The following SLC13A2 variants were observed in gnomAD, a reference collection of about 807,000 sequenced individuals.
SLC13A2 encodes Na(+)-coupled citrate transporter.
In SLC13A2, 40 loss-of-function variants were observed where a neutral mutation model predicts 58.5. The observed-to-expected ratio is 0.68, with a 90% CI of 0.53 to 0.89. SLC13A2 has a LOEUF of 0.89. Ranked by LOEUF, SLC13A2 falls within the 40% of genes least tolerant of loss-of-function variation. The pLI, the probability that SLC13A2 is intolerant of heterozygous loss-of-function variation, is 0.00. For missense variants in SLC13A2, 694 were observed against 772.6 expected, an observed-to-expected ratio of 0.90 and a Z score of 1.21; for synonymous variants, 341 against 331.6, an observed-to-expected ratio of 1.03 and a Z score of -0.31.
intron 1 of SLC13A2, among the ~76,000 whole-genome samples, chr17:28,480,935 C>T (rs1440378663): frequency 6.6e-6 from 1 of 152,104 alleles, no homozygotes; most frequent in Non-Finnish European, 1.5e-5. Flanking sequence ...TTTTTCTAGC[C>T]TCTGGGATGC....
rs905145186 is a variant in SLC13A2 at position 28,494,562 on chromosome 17, G to T, written c.1308+50G>T. The T allele has an allele frequency of 2.2e-5, 36 of 1,610,324 alleles. No homozygotes were observed. The highest frequency in any genetic ancestry group is 2.9e-5 in the Non-Finnish European group (34 of 1,178,202). On this transcript the variant is annotated intron_variant, in intron 9 of 11. Transcript: ENST00000314669. This position sits in a 1 kb window ranked among gnomAD's most constrained non-coding sequence, Gnocchi z 4.0. ...CAGCCTGTGTGAGGGTGTCTCTGTGGCAGGGAGAGAGGGGGCCCTGCTTCT... is the reference window on the plus strand; with the variant it reads ...CAGCCTGTGTGAGGGTGTCTCTGTGTCAGGGAGAGAGGGGGCCCTGCTTCT...
intron 1 of SLC13A2, among the ~76,000 whole-genome samples, chr17:28,485,546 G>T (rs966372635): frequency 2.0e-5 from 3 of 152,198 alleles, no homozygotes; most frequent in Non-Finnish European, 4.4e-5. Flanking sequence ...CCCTCAGGGA[G>T]TGCCCGAGAG....
intron 1 of SLC13A2, among the ~76,000 whole-genome samples, chr17:28,483,831 T>G (rs1369020473): frequency 2.6e-5 from 4 of 152,170 alleles, no homozygotes; most frequent in African/African-American, 9.7e-5. Context: ...GTTAAGTAAC[T>G]TGCCCAAGGA....
At chr17:28,490,400 A>G (rs782145701) in intron 2 of SLC13A2, 54 bp from the exon 3 acceptor site, 1 of 1,614,032 alleles carries the variant, frequency 6.2e-7, no homozygotes, top group East Asian at 2.2e-5. Flanking sequence ...CCTCGGGGGC[A>G]CCGTGGGAGA....
Position 28,497,591 on chromosome 17 carries a change from T to G in SLC13A2, c.*322T>G. 1 of 301,084 alleles carries G rather than the reference T, an allele frequency of 3.3e-6. No homozygotes were observed. Among genetic ancestry groups the G allele is most frequent in the Non-Finnish European group, 6.2e-6 (1 of 161,296 alleles). 18.7% of individuals were successfully genotyped at this position (301,084 alleles called of 1,614,324 possible). A position where few individuals can be genotyped will look rare whatever the true frequency, so the allele number is the denominator to read the frequency against. ...GTATGTTGGACAGTGCACACGTGTG[T>G]GTTCACAGACAATACAACATGCCCT... On this transcript the variant is annotated 3_prime_UTR_variant, in exon 12 of 12. Coordinates refer to ENST00000314669, the MANE Select transcript of SLC13A2 (RefSeq NM_003984.4).
intron 1 of SLC13A2, among the ~76,000 whole-genome samples, chr17:28,476,541 C>T (rs187658694): frequency 4.6e-5 from 7 of 152,152 alleles, no homozygotes; most frequent in East Asian, 1.9e-4. Flanking sequence ...ACCCACCTCT[C>T]GCTCACTCTC....
Position 28,493,601 on chromosome 17 carries a change from G to A in SLC13A2, c.909G>A (p.Lys303=). Residue 303 remains lysine (K), a synonymous_variant, in exon 7 of 12, where the codon AAG becomes AAA. Transcript: ENST00000314669. ...NFRKNFGIGE[K]MQEQQQAAYC... is the part of the protein sequence containing the mutation. Reference sequence around the variant, plus strand: ...GGAAGAACTTTGGCATTGGGGAAAAGATGCAGGAGCAACAGCAGGCAGCCT... The same window carrying A: ...GGAAGAACTTTGGCATTGGGGAAAAAATGCAGGAGCAACAGCAGGCAGCCT... The A allele has an allele frequency of 1.9e-6, 3 of 1,608,426 alleles. No homozygotes were observed. Among genetic ancestry groups the A allele is most frequent in the Middle Eastern group, 1.7e-4 (1 of 6,048 alleles).
At chr17:28,485,113 G>C (rs1399657689) in intron 1 of SLC13A2, among the ~76,000 whole-genome samples, 31 of 152,304 alleles carry the variant, frequency 2.0e-4, no homozygotes, top group Non-Finnish European at 4.4e-5. Flanking sequence ...CAGAGCTGGG[G>C]AACAACCACC....
chr17:28,490,591 G>A lies in SLC13A2; in HGVS notation c.368+1G>A, dbSNP rs1238515903. On this transcript the variant is annotated splice_donor_variant, in intron 3 of 11. Coordinates refer to ENST00000314669, the MANE Select transcript of SLC13A2 (RefSeq NM_003984.4). LOFTEE classifies it high-confidence loss of function. ...TCATCGTTGGGGTGCGGCCTGCCCC[G>A]TGAGTTCCTCCTGCAAACCAGCACG... 8.8e-6 allele frequency: 14 copies of A among 1,594,928 alleles called. No individual in the cohort carries two copies. Among genetic ancestry groups the A allele is most frequent in the Admixed American group, 1.7e-5 (1 of 59,410 alleles).
intron 6 of SLC13A2, among the ~76,000 whole-genome samples, chr17:28,492,545 A>G (rs2069049340): frequency 6.6e-6 from 1 of 152,272 alleles, no homozygotes; most frequent in Non-Finnish European, 1.5e-5. Context: ...CTAGTTCTGC[A>G]GGACTAAAAC....
At chr17:28,477,820 G>T (rs1208170204) in intron 1 of SLC13A2, among the ~76,000 whole-genome samples, 1 of 63,528 alleles carries the variant, frequency 1.6e-5, no homozygotes, top group Non-Finnish European at 6.5e-5. Flanking sequence ...GGAGGCGGGC[G>T]CCCAAGGTGG....
At chr17:28,490,058 G>C (rs1422333216) in intron 2 of SLC13A2, among the ~76,000 whole-genome samples, 2 of 152,192 alleles carry the variant, frequency 1.3e-5, no homozygotes, top group African/African-American at 4.8e-5. Flanking sequence ...TGGATCACTT[G>C]AGCTCAGGAG....
chr17:28,495,294 C>T (rs1283883600), intron 9 of SLC13A2, among the ~76,000 whole-genome samples: 2 of 152,196 alleles, frequency 1.3e-5, no homozygotes, highest in African/African-American at 4.8e-5. Flanking sequence ...CCCCAAGCCA[C>T]TGGACTGGAA....
chr17:28,475,833 T>C (rs1452192309), intron 1 of SLC13A2, among the ~76,000 whole-genome samples: 1 of 152,310 alleles, frequency 6.6e-6, no homozygotes, highest in Non-Finnish European at 1.5e-5. Flanking sequence ...TCCATCTGAC[T>C]CTGAGGTTTT....
rs374094512 is a variant in SLC13A2, at chr17:28,490,787, C to T, written c.455C>T (p.Ala152Val). 5 of 1,614,054 alleles carry T rather than the reference C, an allele frequency of 3.1e-6. No individual in the cohort carries two copies. The African/African-American group carries it at 6.7e-5, about 22-fold the overall frequency. ...ACCTCAGCCATGATGGTGCCCATCGCACATGCCGTCCTGGACCAGCTGCAC... is the reference window on the plus strand; with the variant it reads ...ACCTCAGCCATGATGGTGCCCATCGTACATGCCGTCCTGGACCAGCTGCAC... ...TATSAMMVPIAHAVLDQLHSS... is the reference protein window; with the variant it reads ...TATSAMMVPIVHAVLDQLHSS... Residue 152 changes from alanine (A) to valine (V), a missense_variant, in exon 4 of 12, where the codon GCA becomes GTA. Coordinates refer to ENST00000314669, the MANE Select transcript of SLC13A2 (RefSeq NM_003984.4).
Position 28,477,608 on chromosome 17 carries a change from C to T in SLC13A2, c.102+3794C>T, listed in dbSNP as rs577044819. Among the ~76,000 whole-genome samples, 13 of 152,356 alleles carry T rather than the reference C, an allele frequency of 8.5e-5. No homozygotes were observed. The South Asian group carries it at 2.3e-3, about 27-fold the overall frequency. ...AGTCCCCAAGCTTAGCCCCATGGCC[C>T]TGGCCTCCAAAGGGGGAAGAAGGAG... On this transcript the variant is annotated intron_variant, in intron 1 of 11. Transcript: ENST00000314669.
At chr17:28,479,369 C>A (rs1296324404) in intron 1 of SLC13A2, among the ~76,000 whole-genome samples, 2 of 152,018 alleles carry the variant, frequency 1.3e-5, no homozygotes, top group Non-Finnish European at 2.9e-5. Flanking sequence ...CGAGTGAGGC[C>A]TTAAGAGGCC....
At chr17:28,495,118 C>T (rs543056491) in intron 9 of SLC13A2, among the ~76,000 whole-genome samples, 3 of 152,146 alleles carry the variant, frequency 2.0e-5, no homozygotes, top group Non-Finnish European at 4.4e-5. Context: ...CCCCACTGAG[C>T]GAGATTAAGT....
At chr17:28,481,613 G>A (rs1483631205) in intron 1 of SLC13A2, among the ~76,000 whole-genome samples, 4 of 152,174 alleles carry the variant, frequency 2.6e-5, no homozygotes, top group Non-Finnish European at 5.9e-5. Flanking sequence ...AAAATCAGGG[G>A]AATTGGCAAT....
Sources: allele counts gnomAD v4.1 joint callset (sites outside exome capture counted in the v4.1 genomes callset), GRCh38; gene constraint gnomAD v4.1.1; non-coding constraint Gnocchi (gnomAD v3.1); transcripts MANE v1.5; gene names NCBI Gene and HGNC (gene_info 2026-07-23, HGNC 2026-07-21).